The following BIN2 variants were observed in gnomAD, a reference collection of about 807,000 sequenced individuals.
BIN2 encodes breast cancer associated protein BRAP1.
In BIN2, 43 loss-of-function variants were observed where a neutral mutation model predicts 67.9. That is an observed-to-expected ratio of 0.63 (90% CI 0.50 to 0.82). BIN2 has a LOEUF of 0.82. Among genes scored for constraint, BIN2 ranks in the 40% least tolerant of loss-of-function variants. The pLI is 0.00. For missense variants in BIN2, 581 were observed against 671.6 expected (o/e 0.87, Z 1.49); for synonymous variants, 244 against 246.8 (o/e 0.99, Z 0.11).
intron 1 of BIN2, among the ~76,000 whole-genome samples, chr12:51,319,076 T>C (rs747983875): frequency 7.9e-5 from 12 of 152,230 alleles, no homozygotes; most frequent in Non-Finnish European, 1.3e-4. Context: ...TAGTGGTAAG[T>C]GCAGCTCTTA....
intron 7 of BIN2, 125 bp from the exon 8 acceptor site, chr12:51,297,289 C>T (rs1945590355): frequency 1.1e-6 from 1 of 896,078 alleles, no homozygotes; most frequent in Non-Finnish European, 1.7e-6. Flanking sequence ...AGCCATCCCG[C>T]TGGGCACAGT....
intron 10 of BIN2, among the ~76,000 whole-genome samples, chr12:51,290,381 G>A (rs946783300): frequency 6.6e-6 from 1 of 151,292 alleles, no homozygotes; most frequent in African/African-American, 2.4e-5. Flanking sequence ...TGCCTGCCTT[G>A]GCCTCCCAAA....
chr12:51,289,632 A>C (rs1247556341), intron 10 of BIN2, among the ~76,000 whole-genome samples: 27 of 152,112 alleles, frequency 1.8e-4, no homozygotes, highest in Non-Finnish European at 4.4e-5. Flanking sequence ...AAGAAAGAAA[A>C]AAAAGAGTAT....
At chr12:51,322,012 G>T (rs181969870) in intron 1 of BIN2, among the ~76,000 whole-genome samples, 1 of 152,252 alleles carries the variant, frequency 6.6e-6, no homozygotes, top group East Asian at 1.9e-4. Flanking sequence ...TCTAGTCTAG[G>T]TTCAGAATAT....
In BIN2 at chr12:51,297,182, C is replaced by A; in HGVS notation, c.603-18G>T. On this transcript the variant is annotated intron_variant, in intron 7 of 12. Transcript: ENST00000615107. ...CAATACGACTATTAGGAAGCAAAAC[C>A]ACAAACACATACGAGTAAGGCATGG... 1 of 1,604,838 alleles carries A rather than the reference C, an allele frequency of 6.2e-7. No homozygotes were observed. The highest frequency in any genetic ancestry group is 8.5e-7 in the Non-Finnish European group (1 of 1,171,692).
At chr12:51,314,278 C>A (rs1011386813) in intron 1 of BIN2, among the ~76,000 whole-genome samples, 1 of 151,864 alleles carries the variant, frequency 6.6e-6, no homozygotes, top group Non-Finnish European at 1.5e-5. Flanking sequence ...GAACTCCTGA[C>A]CACAAATGAT....
At chr12:51,287,943 G>T (rs768830944) in intron 11 of BIN2, among the ~76,000 whole-genome samples, 165 bp downstream of exon 11, 1 of 152,024 alleles carries the variant, frequency 6.6e-6, no homozygotes, top group African/African-American at 2.4e-5. Flanking sequence ...GAGCCACCGC[G>T]CCCGGCCAGG....
intron 1 of BIN2, among the ~76,000 whole-genome samples, chr12:51,320,563 G>A (rs1031585101): frequency 2.7e-5 from 4 of 150,880 alleles, no homozygotes; most frequent in African/African-American, 7.3e-5. Flanking sequence ...AAAACCTCTC[G>A]ATTCTCCCCA....
At chr12:51,323,892 G>T in intron 1 of BIN2, 130 bp downstream of exon 1, 1 of 1,111,510 alleles carries the variant, frequency 9.0e-7, no homozygotes. Context: ...TGGGAGAGCG[G>T]GAGACCCTTC....
chr12:51,322,839 G>A (rs1946322120), intron 1 of BIN2: 3 of 152,124 alleles, frequency 2.0e-5, no homozygotes, highest in African/African-American at 4.8e-5. Flanking sequence ...TCAAATGATA[G>A]AAAATAACCT....
intron 7 of BIN2, among the ~76,000 whole-genome samples, chr12:51,297,725 T>C (rs931134431): frequency 6.6e-6 from 1 of 152,124 alleles, no homozygotes; most frequent in Admixed American, 6.6e-5. Flanking sequence ...AACAGTTTCA[T>C]GGAGTTATCT....
chr12:51,297,215 G>A, intron 7 of BIN2, 51 bp from the exon 8 acceptor site: 1 of 1,547,388 alleles, frequency 6.5e-7, no homozygotes, highest in Non-Finnish European at 8.9e-7. Context: ...TGGGAAAGGA[G>A]TTCTTTGTTT....
intron 10 of BIN2, among the ~76,000 whole-genome samples, chr12:51,289,420 G>A (rs1309121784): frequency 6.6e-6 from 1 of 151,884 alleles, no homozygotes; most frequent in Non-Finnish European, 1.5e-5. Context: ...TTTGAAACCA[G>A]CCTGGGCAAC....
chr12:51,313,909 G>A lies in BIN2; in HGVS notation c.82-6C>T. ...TTCCCCAATTTCTGCAGCACCTAGG[G>A]ATATAAGTCAGAAAGGCCCGTAAGG... On this transcript the variant is annotated splice_region_variant and splice_polypyrimidine_tract_variant and intron_variant, in intron 1 of 12. Transcript: ENST00000615107. 1 of 1,612,636 alleles carries A rather than the reference G, an allele frequency of 6.2e-7. No homozygotes were observed. Among genetic ancestry groups the A allele is most frequent in the Non-Finnish European group, 8.5e-7 (1 of 1,178,742 alleles).
chr12:51,304,892 C>A (rs1945827615), intron 2 of BIN2, among the ~76,000 whole-genome samples: 1 of 152,040 alleles, frequency 6.6e-6, no homozygotes, highest in African/African-American at 2.4e-5. Flanking sequence ...TGGCGGGCAC[C>A]TGTAGTCCCA....
chr12:51,310,930 T>C (rs549130441), intron 2 of BIN2, among the ~76,000 whole-genome samples: 9 of 151,902 alleles, frequency 5.9e-5, no homozygotes, highest in Admixed American at 2.0e-4. Context: ...AGCTAATTTT[T>C]GTATTTTTTG....
chr12:51,299,535 C>A (rs1395306850), intron 6 of BIN2, 72 bp downstream of exon 6: 2 of 1,424,596 alleles, frequency 1.4e-6, no homozygotes. Context: ...GTTGGCCCAG[C>A]CACCTGCTAC....
At chr12:51,317,572 C>A (rs954018191) in intron 1 of BIN2, among the ~76,000 whole-genome samples, 1 of 151,116 alleles carries the variant, frequency 6.6e-6, no homozygotes, top group Admixed American at 6.6e-5. Flanking sequence ...GGGAGGCTGA[C>A]GCAGGAGAAT....
intron 2 of BIN2, among the ~76,000 whole-genome samples, chr12:51,308,390 C>T (rs1417877450): frequency 4.6e-5 from 7 of 152,164 alleles, no homozygotes; most frequent in African/African-American, 1.4e-4. Context: ...CAGTCCTTCC[C>T]ACCCATTATA....
Sources: allele counts gnomAD v4.1 joint callset (sites outside exome capture counted in the v4.1 genomes callset), GRCh38; gene constraint gnomAD v4.1.1; transcripts MANE v1.5; gene names NCBI Gene and HGNC (gene_info 2026-07-23, HGNC 2026-07-21).